The following EXO1 variants were observed in gnomAD, a reference collection of about 807,000 sequenced individuals.
EXO1 encodes exonuclease 1.
In EXO1, 69 loss-of-function variants were observed where a neutral mutation model predicts 84.5. That is an observed-to-expected ratio of 0.82 (90% CI 0.67 to 1.00). The LOEUF (loss-of-function observed/expected upper bound fraction) is 1.00, where lower values mean the gene tolerates loss of function less well. Among genes scored for constraint, EXO1 ranks in the 50% least tolerant of loss-of-function variants. The pLI is 0.00. For synonymous variants in EXO1, 373 were observed against 366.1 expected, an observed-to-expected ratio of 1.02 and a Z score of -0.21; for missense variants, 1,045 against 1,000.7, an observed-to-expected ratio of 1.04 and a Z score of -0.60.
chr1:241,880,196 T>G (rs951027529), intron 13 of EXO1, among the ~76,000 whole-genome samples: 1 of 152,166 alleles, frequency 6.6e-6, no homozygotes, highest in Admixed American at 6.5e-5. Flanking sequence ...TGTCTGTTTC[T>G]CTTCCTATGA....
chr1:241,884,665 GTGTGTGTGT>G (rs1172228634), intron 14 of EXO1, among the ~76,000 whole-genome samples: 1 of 14,538 alleles, frequency 6.9e-5, no homozygotes, highest in South Asian at 7.0e-3. Flanking sequence ...GTGTGTGTGT[GTGTGTGTGT>G]GTGCACGTGC....
At chr1:241,854,816 A>C (rs1660877343) in intron 6 of EXO1, 1 of 154,736 alleles carries the variant, frequency 6.5e-6, no homozygotes, top group Non-Finnish European at 1.4e-5. Context: ...GCGTGTCTGG[A>C]GTTTATTCCT....
Position 241,878,809 on chromosome 1 carries a change from G to C in EXO1, c.1575G>C (p.Leu525=). 1 of 1,613,970 alleles carries C rather than the reference G, an allele frequency of 6.2e-7. No individual in the cohort carries two copies. Among genetic ancestry groups the C allele is most frequent in the Non-Finnish European group, 8.5e-7 (1 of 1,179,972 alleles). The change falls in exon 13 of 16, where the codon CTG becomes CTC. Residue 525 remains leucine, a synonymous_variant. Coordinates refer to ENST00000366548, the MANE Select transcript of EXO1 (RefSeq NM_130398.4). The part of the protein sequence containing the change: ...CVSNKVSIQP[L]DETAVTDKEN... ...CAAACAAAGTGAGCATCCAGCCTCT[G>C]GATGAAACTGCTGTCACAGATAAAG...
intron 7 of EXO1, among the ~76,000 whole-genome samples, chr1:241,858,079 GTT>G (rs1661165318): frequency 6.6e-6 from 1 of 152,116 alleles, no homozygotes; most frequent in Non-Finnish European, 1.5e-5. Context: ...GGGATGACTT[GTT>G]TTCTTCCTGA....
At chr1:241,886,004 C>A (rs1275531168) in intron 15 of EXO1, among the ~76,000 whole-genome samples, 1 of 152,130 alleles carries the variant, frequency 6.6e-6, no homozygotes, top group Non-Finnish European at 1.5e-5. Flanking sequence ...CAGGCATGCA[C>A]CACCACGCCT....
intron 15 of EXO1, among the ~76,000 whole-genome samples, chr1:241,888,660 G>A (rs1483117339): frequency 2.6e-5 from 4 of 152,154 alleles, no homozygotes; most frequent in Non-Finnish European, 5.9e-5. Context: ...AGATGTACTG[G>A]TATTTAATTT....
chr1:241,882,044 TA>T (rs1558146189), intron 14 of EXO1, 27 bp downstream of exon 14: 1 of 1,191,872 alleles, frequency 8.4e-7, no homozygotes. Context: ...ATTTTTTTTT[TA>T]ATTTCAGAAG....
chr1:241,888,616 T>A (rs1663194512), intron 15 of EXO1, among the ~76,000 whole-genome samples: 1 of 152,214 alleles, frequency 6.6e-6, no homozygotes, highest in Admixed American at 6.5e-5. Context: ...AAATTAAGGG[T>A]GCAACAGTAT....
chr1:241,871,253 C>G (rs1332295850), intron 11 of EXO1, among the ~76,000 whole-genome samples: 2 of 152,130 alleles, frequency 1.3e-5, no homozygotes, highest in Non-Finnish European at 2.9e-5. Flanking sequence ...AAAATCTGTG[C>G]CTTTTAAAAA....
rs1558148449 is a variant in EXO1, at chr1:241,885,334, CAG to C, written c.2233_2234del (p.Ser745PhefsTer35). 1 of 1,613,506 alleles carries C rather than the reference CAG, an allele frequency of 6.2e-7. No individual in the cohort carries two copies. Among genetic ancestry groups the C allele is most frequent in the Admixed American group, 1.7e-5 (1 of 59,982 alleles). Reference protein sequence around the residue: ...RNKVPGLYKSSSADSLSTTKI... With the variant: ...RNKVPGLYKSXSADSLSTTKI... ...TTCAGGTTCCTGGGCTATATAAGTC[CAG>C]TTCTGCAGACTCTCTTTCTACAACC... is the stretch of plus-strand genomic sequence containing the variant. On this transcript the variant is annotated frameshift_variant, in exon 15 of 16. Transcript: ENST00000366548. LOFTEE classifies it high-confidence loss of function.
At chr1:241,887,829 G>A (rs932391307) in intron 15 of EXO1, among the ~76,000 whole-genome samples, 6 of 151,966 alleles carry the variant, frequency 3.9e-5, no homozygotes, top group Admixed American at 6.6e-5. Flanking sequence ...TGTAGAGATC[G>A]GGTTTCGCTG....
chr1:241,879,807 C>T (rs1226767472), intron 13 of EXO1, among the ~76,000 whole-genome samples: 1 of 152,038 alleles, frequency 6.6e-6, no homozygotes, highest in Non-Finnish European at 1.5e-5. Flanking sequence ...GAGTTTGAGA[C>T]CAGCCTGGCC....
intron 11 of EXO1, among the ~76,000 whole-genome samples, chr1:241,871,560 T>TA (rs1370013551): frequency 1.3e-5 from 2 of 152,212 alleles, no homozygotes; most frequent in Non-Finnish European, 2.9e-5. Context: ...CAGCACAAAT[T>TA]ACTTACGACT....
At chr1:241,874,931 A>G (rs1032420313) in intron 12 of EXO1, among the ~76,000 whole-genome samples, 2 of 152,292 alleles carry the variant, frequency 1.3e-5, no homozygotes, top group Non-Finnish European at 2.9e-5. Flanking sequence ...TAAGAGAGAA[A>G]AGTTACCAGC....
At position 241,872,088 on chromosome 1, in the gene EXO1, A is replaced by G; in HGVS notation, c.1324A>G (p.Thr442Ala). The change falls in exon 12 of 16, where the codon ACC becomes GCC. Residue 442 changes from threonine (T) to alanine (A), a missense_variant. Transcript: ENST00000366548. ...SQYSLSFTKK[T>A]KKNSSEGNKS... is the part of the protein sequence containing the mutation. ...GTATTCTCTTTCATTTACGAAGAAG[A>G]CCAAGAAAAATAGCTCTGAAGGCAA... 1 of 1,613,766 alleles carries G rather than the reference A, an allele frequency of 6.2e-7. No individual in the cohort carries two copies. Among genetic ancestry groups the G allele is most frequent in the African/African-American group, 1.3e-5 (1 of 75,016 alleles).
At position 241,884,644 on chromosome 1, in the gene EXO1, T is replaced by C. The variant is rs572840389; in HGVS notation, c.2212-670T>C. Among the ~76,000 whole-genome samples, 6 of 57,564 alleles carry C rather than the reference T, an allele frequency of 1.0e-4. No individual in the cohort carries two copies. The East Asian group carries it at 3.3e-3, about 32-fold the overall frequency. The allele number at this position is 57,564 out of a possible 152,430, so 37.8% of individuals were successfully genotyped here. On this transcript the variant is annotated intron_variant, in intron 14 of 15. Coordinates refer to ENST00000366548, the MANE Select transcript of EXO1 (RefSeq NM_130398.4). ...AAGTGCACAACAATGTGTACTATGCTGCCTGTGTGTGTGTGTGTGTGTGTG... is the reference window on the plus strand; with the variant it reads ...AAGTGCACAACAATGTGTACTATGCCGCCTGTGTGTGTGTGTGTGTGTGTG...
At position 241,878,751 on chromosome 1, in the gene EXO1, T is replaced by G; in HGVS notation, c.1517T>G (p.Phe506Cys). 6.2e-7 allele frequency: 1 copy of G among 1,605,396 alleles called. No individual in the cohort carries two copies. The highest frequency in any genetic ancestry group is 8.5e-7 in the Non-Finnish European group (1 of 1,173,878). ...AVVVPGTRSR[F>C]FCSSDSTDCV... The stretch of plus-strand genomic sequence containing the variant: ...GTTTCTATTGCTTTTTTTATTAGGT[T>G]TTTTTGCAGTTCAGATTCTACTGAC... Residue 506 changes from phenylalanine (F) to cysteine (C), a missense_variant and splice_region_variant, in exon 13 of 16, where the codon TTT (phenylalanine) becomes TGT (cysteine). Phe to Cys is a radical substitution (Grantham distance 205). Transcript: ENST00000366548.
chr1:241,888,012 T>A (rs905305287), intron 15 of EXO1, among the ~76,000 whole-genome samples: 2 of 152,174 alleles, frequency 1.3e-5, no homozygotes, highest in Non-Finnish European at 2.9e-5. Flanking sequence ...AGGTAAACTA[T>A]CATACTTCCA....
At position 241,857,329 on chromosome 1, in the gene EXO1, T is replaced by C. The variant is rs1661111011; in HGVS notation, c.406-16T>C. 2 of 1,611,782 alleles carry C rather than the reference T, an allele frequency of 1.2e-6. No individual in the cohort carries two copies. Among genetic ancestry groups the C allele is most frequent in the African/African-American group, 1.3e-5 (1 of 74,868 alleles). On this transcript the variant is annotated splice_polypyrimidine_tract_variant and intron_variant, in intron 6 of 15. Transcript: ENST00000366548. ...CAGATGCCGTGCTAGAGATTCACTGTGATTCTCTCTTCTAGGCTGCCCGGT... is the reference window on the plus strand; with the variant it reads ...CAGATGCCGTGCTAGAGATTCACTGCGATTCTCTCTTCTAGGCTGCCCGGT...
Sources: allele counts gnomAD v4.1 joint callset (sites outside exome capture counted in the v4.1 genomes callset), GRCh38; gene constraint gnomAD v4.1.1; transcripts MANE v1.5; gene names NCBI Gene and HGNC (gene_info 2026-07-23, HGNC 2026-07-21).